The following CTNNA2 variants were observed in gnomAD, a reference collection of about 807,000 sequenced individuals.
CTNNA2 encodes the protein catenin alpha-2.
CTNNA2 carries 42 observed loss-of-function variants against 101.0 expected under a neutral mutation model. That is an observed-to-expected ratio of 0.42 (90% CI 0.32 to 0.54). CTNNA2 has a LOEUF of 0.54. CTNNA2 is among the 20% of genes least tolerant of loss of function. The probability of loss-of-function intolerance (pLI) is 0.14; values close to 1 mark genes in which losing one functional copy is unlikely to be tolerated. For synonymous variants in CTNNA2, 450 were observed against 456.4 expected (o/e 0.99, Z 0.18); for missense variants, 871 against 1,223.1 (o/e 0.71, Z 4.29).
rs1210311202 is a variant in CTNNA2 at position 79,744,461 on chromosome 2, A to G, written c.177A>G (p.Val59=). The change falls in exon 3 of 19, where the codon GTA becomes GTG. Residue 59 remains valine (V), a synonymous_variant. Transcript: ENST00000402739. The part of the protein sequence containing the change: ...KKKGRSKKAH[V]LAASVEQATQ... Reference sequence around the variant, plus strand: ...AAGGGAGGTCAAAGAAAGCCCATGTACTAGCTGCCTCTGTAGAGCAAGCCA... The same window carrying G: ...AAGGGAGGTCAAAGAAAGCCCATGTGCTAGCTGCCTCTGTAGAGCAAGCCA... The G allele has an allele frequency of 6.2e-7, 1 of 1,614,044 alleles. No homozygotes were observed. The highest frequency in any genetic ancestry group is 8.5e-7 in the Non-Finnish European group (1 of 1,180,024).
At chr2:79,679,058 T>C (rs188693600) in intron 2 of CTNNA2, among the ~76,000 whole-genome samples, 1 of 152,334 alleles carries the variant, frequency 6.6e-6, no homozygotes, top group African/African-American at 2.4e-5. Flanking sequence ...TGATCTACTT[T>C]ACAGAAAATT....
At chr2:80,517,809 T>C (rs1344993354) in intron 9 of CTNNA2, among the ~76,000 whole-genome samples, 1 of 152,202 alleles carries the variant, frequency 6.6e-6, no homozygotes, top group African/African-American at 2.4e-5. Flanking sequence ...CTGGACAATA[T>C]TTATTTTACT....
chr2:79,595,274 C>T (rs1000931751), intron 1 of CTNNA2, among the ~76,000 whole-genome samples: 3 of 152,128 alleles, frequency 2.0e-5, no homozygotes, highest in Non-Finnish European at 2.9e-5. Context: ...TCACCGTGAT[C>T]CCTTGTTCTA....
chr2:80,232,091 A>G (rs770532245), intron 7 of CTNNA2, among the ~76,000 whole-genome samples: 4 of 152,148 alleles, frequency 2.6e-5, no homozygotes, highest in Non-Finnish European at 4.4e-5. Context: ...CTTTGACTCT[A>G]CCTGTGAACT....
At chr2:80,146,448 G>A (rs1165253053) in intron 7 of CTNNA2, among the ~76,000 whole-genome samples, 1 of 152,000 alleles carries the variant, frequency 6.6e-6, no homozygotes, top group Non-Finnish European at 1.5e-5. Context: ...AGTCCCTAAT[G>A]GCCTAGTTGA....
chr2:79,377,652 G>T (rs1677993174), intron 4 of CTNNA2, among the ~76,000 whole-genome samples: 1 of 152,072 alleles, frequency 6.6e-6, no homozygotes, highest in African/African-American at 2.4e-5. Context: ...TTCCCTCTGG[G>T]GAAAAGGGCA....
intron 7 of CTNNA2, among the ~76,000 whole-genome samples, chr2:80,074,655 G>A (rs1698563607): frequency 6.6e-6 from 1 of 152,112 alleles, no homozygotes; most frequent in Admixed American, 6.6e-5. Context: ...CCCCCTCAGT[G>A]ACCATTTGTG....
chr2:79,967,217 T>G (rs952509873), intron 7 of CTNNA2, among the ~76,000 whole-genome samples: 2 of 152,084 alleles, frequency 1.3e-5, no homozygotes, highest in African/African-American at 4.8e-5. Context: ...CTAGAATCAT[T>G]GTTTTTTGAA....
In CTNNA2 at chr2:80,420,418, G is replaced by T. The variant is rs186957748; in HGVS notation, c.1290+817G>T. ...GAAAATTTAGGGAATGGTTATTAGGGCCAGGTTAAACTTTTACAGGCTCTG... is the reference window on the plus strand; with the variant it reads ...GAAAATTTAGGGAATGGTTATTAGGTCCAGGTTAAACTTTTACAGGCTCTG... On this transcript the variant is annotated intron_variant, in intron 9 of 18. Coordinates refer to ENST00000402739, the MANE Select transcript of CTNNA2 (RefSeq NM_001282597.3). 7.5e-4 allele frequency among the ~76,000 whole-genome samples: 114 copies of T among 152,188 alleles called. 1 individual carries two copies. The highest frequency in any genetic ancestry group is 2.5e-3 in the African/African-American group (105 of 41,516).
chr2:79,369,383 C>T (rs868468065), intron 3 of CTNNA2, among the ~76,000 whole-genome samples: 11 of 152,164 alleles, frequency 7.2e-5, no homozygotes, highest in East Asian at 3.9e-4. Flanking sequence ...GCTGCTGCTG[C>T]GATCCCAGTG....
At chr2:79,491,981 A>G (rs992189597) in intron 4 of CTNNA2, among the ~76,000 whole-genome samples, 1 of 152,214 alleles carries the variant, frequency 6.6e-6, no homozygotes, top group Non-Finnish European at 1.5e-5. Flanking sequence ...AGAAAGAGGC[A>G]AAAATGCGTT....
chr2:80,375,060 C>G (rs1675813769), intron 7 of CTNNA2, among the ~76,000 whole-genome samples: 1 of 152,140 alleles, frequency 6.6e-6, no homozygotes, highest in African/African-American at 2.4e-5. Flanking sequence ...CAGGCGAGCA[C>G]AGATGGAAGC....
intron 7 of CTNNA2, among the ~76,000 whole-genome samples, chr2:80,236,871 A>G (rs1403876703): frequency 6.6e-6 from 1 of 152,218 alleles, no homozygotes; most frequent in African/African-American, 2.4e-5. Flanking sequence ...AGATGGCACC[A>G]ATTTATAGGC....
chr2:80,244,303 A>T (rs1380250547), intron 7 of CTNNA2, among the ~76,000 whole-genome samples: 1 of 152,204 alleles, frequency 6.6e-6, no homozygotes, highest in Admixed American at 6.5e-5. Context: ...ATGTTCAGAG[A>T]TAGAAAAATC....
chr2:79,590,113 A>G (rs1549764), intron 1 of CTNNA2, among the ~76,000 whole-genome samples: 103,934 of 152,034 alleles, frequency 0.68, 36,332 homozygotes, highest in Middle Eastern at 0.79. Context: ...GGGAATAAAA[A>G]CATTTCTTTA....
At chr2:80,144,604 A>G (rs6547294) in intron 7 of CTNNA2, among the ~76,000 whole-genome samples, 78,868 of 151,794 alleles carry the variant, frequency 0.52, 21,076 homozygotes, top group Non-Finnish European at 0.58. Flanking sequence ...CTTACTCTTT[A>G]TTTGTCCTCA....
intron 7 of CTNNA2, among the ~76,000 whole-genome samples, chr2:80,215,250 G>A (rs758891997): frequency 2.6e-5 from 4 of 152,118 alleles, no homozygotes; most frequent in Non-Finnish European, 5.9e-5. Flanking sequence ...ATCATCTGAA[G>A]CCTTCTTCTC....
intron 7 of CTNNA2, among the ~76,000 whole-genome samples, chr2:80,191,424 C>G (rs555681681): frequency 5.9e-5 from 9 of 152,222 alleles, no homozygotes; most frequent in African/African-American, 2.2e-4. Context: ...GTACTAAGGA[C>G]TAGTTAAGAT....
chr2:80,043,800 A>G (rs1307609606), intron 7 of CTNNA2, among the ~76,000 whole-genome samples: 1 of 152,212 alleles, frequency 6.6e-6, no homozygotes, highest in Non-Finnish European at 1.5e-5. Flanking sequence ...AGTCTTCGCA[A>G]TGTATCCAGA....
Sources: gnomAD v4.1 joint callset for allele counts (sites outside exome capture counted in the v4.1 genomes callset) on GRCh38, gnomAD v4.1.1 for gene constraint, MANE v1.5 for transcripts, NCBI Gene and HGNC (gene_info 2026-07-23, HGNC 2026-07-21) for gene names.